ACSL1: variants seen among roughly 807,000 people sequenced by gnomAD.
ACSL1 encodes the protein long-chain-fatty-acid--CoA ligase 1.
A neutral mutation model predicts 98.4 loss-of-function variants in ACSL1; 41 were observed. The ratio of observed to expected loss-of-function variants is 0.42; its 90% confidence interval spans 0.32 to 0.54. The LOEUF (loss-of-function observed/expected upper bound fraction) is 0.54. ACSL1 is among the 20% of genes least tolerant of loss of function. The pLI is 0.13. For missense variants in ACSL1, 734 were observed against 883.1 expected (o/e 0.83, Z 2.14); for synonymous variants, 316 against 322.7 (o/e 0.98, Z 0.22).
At chr4:184,811,210 G>C (rs913150889) in intron 1 of ACSL1, among the ~76,000 whole-genome samples, 8 of 152,018 alleles carry the variant, frequency 5.3e-5, no homozygotes, top group Admixed American at 3.9e-4. Flanking sequence ...CTGGGTTCAC[G>C]CCATTCTCCC....
At chr4:184,826,594 G>A (rs1220368946), upstream of ACSL1, 7 of 152,404 alleles carry the variant, frequency 4.6e-5, no homozygotes, top group African/African-American at 1.7e-4. Context: ...CAGGGGAGCT[G>A]AGGGCCGACT....
intron 4 of ACSL1, 33 bp from the exon 5 acceptor site, chr4:184,780,466 T>C (rs7680850): frequency 0.3 from 469,913 of 1,560,408 alleles, 76,165 homozygotes; most frequent in Non-Finnish European, 0.34. Context: ...AGAAGCAGCA[T>C]TGGGCCCCAA....
At position 184,783,970 on chromosome 4, in the gene ACSL1, G is replaced by C. The variant is rs752160865; in HGVS notation, c.332C>G (p.Ser111Cys). The C allele has an allele frequency of 6.2e-7, 1 of 1,613,856 alleles. No homozygotes were observed. Among genetic ancestry groups the C allele is most frequent in the Non-Finnish European group, 8.5e-7 (1 of 1,179,860 alleles). Residue 111 changes from serine (S) to cysteine (C), a missense_variant, in exon 4 of 21, where the codon TCT becomes TGT. Physicochemically the swap from Ser to Cys is moderately radical, Grantham distance 112 (BLOSUM62 -1). Coordinates refer to ENST00000281455, the MANE Select transcript of ACSL1 (RefSeq NM_001995.5). ...TTCATAGGGTTGGTCTGGTTTCCGA[G>C]AGCCTAAACAAGGGCCATTATCTAA... is the stretch of plus-strand genomic sequence containing the variant. ...QVSNNGPCLG[S>C]RKPDQPYEWL... is the part of the protein sequence containing the mutation.
In ACSL1 at chr4:184,785,600, C is replaced by CCGGGGGGGGG. The variant is rs1392500206; in HGVS notation, c.311-1610_311-1609insCCCCCCCCCG. ...CTTAGAATAAAAAGATCCTCCTGGGCGGGGGCGGGGGGGGGGGGGGGAAGG... is the reference window on the plus strand; with the variant it reads ...CTTAGAATAAAAAGATCCTCCTGGGCCGGGGGGGGGGGGGGCGGGGGGGGGGGGGGGAAGG... On this transcript the variant is annotated intron_variant, in intron 3 of 20. Transcript: ENST00000281455. 3.6e-4 allele frequency among the ~76,000 whole-genome samples: 7 copies of CCGGGGGGGGG among 19,188 alleles called. 2 individuals are homozygous for CCGGGGGGGGG. The highest frequency in any genetic ancestry group is 8.5e-4 in the Non-Finnish European group (4 of 4,690). 12.6% of individuals were successfully genotyped at this position (19,188 alleles called of 152,430 possible).
intron 5 of ACSL1, among the ~76,000 whole-genome samples, chr4:184,779,132 GAT>G (rs975071248): frequency 5.3e-5 from 8 of 152,182 alleles, no homozygotes; most frequent in Admixed American, 2.0e-4. Flanking sequence ...CTCAGTTTCT[GAT>G]ATGTTTTGGC....
At chr4:184,762,877 C>A (rs1298734407) in intron 16 of ACSL1, among the ~76,000 whole-genome samples, 1 of 152,234 alleles carries the variant, frequency 6.6e-6, no homozygotes, top group Non-Finnish European at 1.5e-5. Flanking sequence ...AATCAACAGG[C>A]AGGACCTTCG....
At position 184,811,701 on chromosome 4, in the gene ACSL1, G is replaced by A. The variant is rs538923863; in HGVS notation, c.-32-8155C>T. Reference sequence around the variant, plus strand: ...CTGAACGGGCACAGAGTTTCAATTCGGGATGACGAAACATTCTGGAACTAG... The same window carrying A: ...CTGAACGGGCACAGAGTTTCAATTCAGGATGACGAAACATTCTGGAACTAG... On this transcript the variant is annotated intron_variant, in intron 1 of 20. Transcript: ENST00000281455. Among the ~76,000 whole-genome samples, 18 of 151,892 alleles carry A rather than the reference G, an allele frequency of 1.2e-4. 1 individual carries two copies. Among genetic ancestry groups the A allele is most frequent in the Admixed American group, 4.6e-4 (7 of 15,226 alleles).
At chr4:184,762,049 C>T (rs528350693) in intron 17 of ACSL1, among the ~76,000 whole-genome samples, 166 of 152,052 alleles carry the variant, frequency 1.1e-3, no homozygotes, top group Non-Finnish European at 1.8e-3. Context: ...ATCACTTGAA[C>T]CCGAGAGGTG....
intron 1 of ACSL1, chr4:184,805,345 G>T (rs1397483851): frequency 1.2e-5 from 4 of 340,472 alleles, no homozygotes; most frequent in Non-Finnish European, 1.7e-5. Context: ...TAATGTATTT[G>T]CTCTGCTCAT....
intron 1 of ACSL1, among the ~76,000 whole-genome samples, chr4:184,810,890 G>A (rs1156591181): frequency 6.6e-6 from 1 of 152,134 alleles, no homozygotes; most frequent in Non-Finnish European, 1.5e-5. Flanking sequence ...CTTACTGCAC[G>A]GGGTTGTTAC....
rs192647781 is a variant in ACSL1 at position 184,762,243 on chromosome 4, C to A, written c.1638+164G>T. 2.7e-5 allele frequency among the ~76,000 whole-genome samples: 4 copies of A among 146,158 alleles called. No homozygotes were observed. The East Asian group carries it at 7.7e-4, about 28-fold the overall frequency. On this transcript the variant is annotated intron_variant, in intron 17 of 20. Transcript: ENST00000281455. ...CCAAGGATGCTAAGTGTAACCCTGTCCCCTGCAGGAAATGGAACAGTCTAC... is the reference window on the plus strand; with the variant it reads ...CCAAGGATGCTAAGTGTAACCCTGTACCCTGCAGGAAATGGAACAGTCTAC...
Position 184,803,300 on chromosome 4 carries a change from A to G in ACSL1, c.195+20T>C, listed in dbSNP as rs760656262. On this transcript the variant is annotated intron_variant, in intron 2 of 20. Coordinates refer to ENST00000281455, the MANE Select transcript of ACSL1 (RefSeq NM_001995.5). The surrounding 1 kb of genome is among the most constrained non-coding windows in gnomAD (Gnocchi z 4.8). Reference sequence around the variant, plus strand: ...GAAATGCGGAGAAAACGCACGAGGCAGGCTGGGCCCTCCACTCACCGCCAC... The same window carrying G: ...GAAATGCGGAGAAAACGCACGAGGCGGGCTGGGCCCTCCACTCACCGCCAC... 4.6e-6 allele frequency: 7 copies of G among 1,532,150 alleles called. No individual in the cohort carries two copies. The South Asian group carries it at 8.7e-5, about 19-fold the overall frequency. The allele number at this position is 1,532,150 out of a possible 1,614,324, so 94.9% of individuals were successfully genotyped here. A position where few individuals can be genotyped will look rare whatever the true frequency, so the allele number is the denominator to read the frequency against.
rs925693782 is a variant in ACSL1 at position 184,775,278 on chromosome 4, G to A, written c.756+1206C>T. 3.9e-5 allele frequency among the ~76,000 whole-genome samples: 6 copies of A among 152,144 alleles called. 1 individual carries two copies. The highest frequency in any genetic ancestry group is 2.6e-4 in the Admixed American group (4 of 15,294). ...TACAGATCATATTAAACAGGTAAGT[G>A]TAAAACAATGTCTTCTATAAATTAA... is the stretch of plus-strand genomic sequence containing the variant. On this transcript the variant is annotated intron_variant, in intron 7 of 20. Transcript: ENST00000281455.
chr4:184,812,634 A>T (rs1772234983), intron 1 of ACSL1, among the ~76,000 whole-genome samples: 1 of 152,192 alleles, frequency 6.6e-6, no homozygotes, highest in South Asian at 2.1e-4. Flanking sequence ...ATGTCAGCCC[A>T]AGACTGCCAT....
chr4:184,818,990 T>G (rs1248343702), intron 1 of ACSL1, among the ~76,000 whole-genome samples: 1 of 152,044 alleles, frequency 6.6e-6, no homozygotes, highest in African/African-American at 2.4e-5. Context: ...ACTAGCATGA[T>G]CGCTGGTGCA....
chr4:184,773,263 G>A lies in ACSL1; in HGVS notation c.842-109C>T, dbSNP rs540380649. On this transcript the variant is annotated intron_variant, in intron 9 of 20. Transcript: ENST00000281455. The surrounding 1 kb of genome is among the most constrained non-coding windows in gnomAD (Gnocchi z 4.3). ...AGACACCTCTACTGTTAGATATATC[G>A]TGAAAACCAAATGTTGAACACTAAA... The A allele has an allele frequency of 1.6e-4, 149 of 952,690 alleles. No individual in the cohort carries two copies. The East Asian group carries it at 3.2e-3, about 20-fold the overall frequency. 59.0% of individuals were successfully genotyped at this position (952,690 alleles called of 1,614,324 possible).
intron 3 of ACSL1, chr4:184,788,302 T>G: frequency 4.7e-6 from 2 of 423,220 alleles, no homozygotes; most frequent in Non-Finnish European, 4.6e-6. Flanking sequence ...AAATGCCGGA[T>G]TGGGCCCAGT....
chr4:184,760,733 G>C (rs540871631), intron 17 of ACSL1, among the ~76,000 whole-genome samples: 3 of 152,312 alleles, frequency 2.0e-5, no homozygotes, highest in Non-Finnish European at 4.4e-5. Context: ...AGGGGTCCTA[G>C]AGCCCGTGCT....
rs1762226954 is a variant in ACSL1 at position 184,757,243 on chromosome 4, G to A, written c.1979C>T (p.Pro660Leu). 6.2e-7 allele frequency: 1 copy of A among 1,603,810 alleles called. No homozygotes were observed. Among genetic ancestry groups the A allele is most frequent in the Non-Finnish European group, 8.5e-7 (1 of 1,171,864 alleles). Residue 660 changes from proline to leucine, a missense_variant, in exon 21 of 21, where the codon CCT becomes CTT. Coordinates refer to ENST00000281455, the MANE Select transcript of ACSL1 (RefSeq NM_001995.5). The surrounding 1 kb of genome is among the most constrained non-coding windows in gnomAD (Gnocchi z 4.5). ...GCCATTGTCGATAGAAAATAATTCA[G>A]GGTGCAATGTGATGCCTTTGACCTG... ...FEQVKGITLH[P>L]ELFSIDNGLL... is the part of the protein sequence containing the mutation.
Sources: allele counts gnomAD v4.1 joint callset (sites outside exome capture counted in the v4.1 genomes callset), GRCh38; gene constraint gnomAD v4.1.1; non-coding constraint Gnocchi (gnomAD v3.1); transcripts MANE v1.5; gene names NCBI Gene and HGNC (gene_info 2026-07-23, HGNC 2026-07-21).